The following STK3 variants were observed in gnomAD, a reference collection of about 807,000 sequenced individuals.
The protein encoded by STK3 is serine/threonine kinase 3, also known as serine/threonine-protein kinase 3.
Under a neutral mutation model 58.0 loss-of-function variants are expected in STK3, and 41 were observed. That is an observed-to-expected ratio of 0.71 (90% CI 0.55 to 0.92). The LOEUF is 0.92. Among genes scored for constraint, STK3 ranks in the 40% least tolerant of loss-of-function variants. The pLI is 0.00. For synonymous variants in STK3, 170 were observed against 191.0 expected, an observed-to-expected ratio of 0.89 and a Z score of 0.91; for missense variants, 479 against 602.7, an observed-to-expected ratio of 0.79 and a Z score of 2.15.
intron 1 of STK3, among the ~76,000 whole-genome samples, chr8:98,899,754 T>C (rs1460473489): frequency 6.6e-6 from 1 of 152,088 alleles, no homozygotes; most frequent in African/African-American, 2.4e-5. Flanking sequence ...AGGTAAAAAT[T>C]ATTGGGTCTC....
chr8:98,740,285 A>G (rs1019173187), intron 4 of STK3, among the ~76,000 whole-genome samples: 4 of 152,116 alleles, frequency 2.6e-5, no homozygotes, highest in South Asian at 2.1e-4. Context: ...TCCAAGACAC[A>G]TAATTGTCAG....
chr8:98,750,839 T>C (rs1829929658), intron 3 of STK3, among the ~76,000 whole-genome samples: 1 of 152,196 alleles, frequency 6.6e-6, no homozygotes, highest in Non-Finnish European at 1.5e-5. Context: ...TGAACATTGA[T>C]GCAAAAGTCG....
chr8:98,574,404 G>A (rs1813218258), intron 8 of STK3, among the ~76,000 whole-genome samples: 1 of 152,070 alleles, frequency 6.6e-6, no homozygotes, highest in Admixed American at 6.5e-5. Context: ...AGGAAATTAT[G>A]GTCTAAATAT....
At chr8:98,549,981 G>A (rs756397751) in intron 8 of STK3, among the ~76,000 whole-genome samples, 11 of 152,052 alleles carry the variant, frequency 7.2e-5, no homozygotes, top group Non-Finnish European at 1.2e-4. Flanking sequence ...CTCTCCAGCC[G>A]GGGTGACAGA....
chr8:98,508,140 A>G (rs957039644), intron 10 of STK3, among the ~76,000 whole-genome samples: 1 of 152,202 alleles, frequency 6.6e-6, no homozygotes, highest in Non-Finnish European at 1.5e-5. Context: ...TGTATTACAT[A>G]TAACTGATTT....
intron 6 of STK3, among the ~76,000 whole-genome samples, chr8:98,676,823 G>T (rs1162459597): frequency 6.6e-6 from 1 of 152,132 alleles, no homozygotes; most frequent in Non-Finnish European, 1.5e-5. Flanking sequence ...GCTGGTTAAG[G>T]TCTTTCAGTA....
intron 10 of STK3, among the ~76,000 whole-genome samples, chr8:98,486,585 A>G (rs1348593302): frequency 6.6e-6 from 1 of 152,190 alleles, no homozygotes; most frequent in Non-Finnish European, 1.5e-5. Context: ...ACAACCCCCT[A>G]GGACCCAGTG....
At chr8:98,369,750 C>T (rs1817593536), downstream of STK3, among the ~76,000 whole-genome samples, 1 of 152,276 alleles carries the variant, frequency 6.6e-6, no homozygotes, top group Non-Finnish European at 1.5e-5. Context: ...GAAGTACCCC[C>T]ACCCAAAATT....
At chr8:98,832,684 G>A (rs1167291871) in intron 3 of STK3, among the ~76,000 whole-genome samples, 2 of 151,974 alleles carry the variant, frequency 1.3e-5, no homozygotes, top group Non-Finnish European at 2.9e-5. Context: ...TTTCTCTGGG[G>A]TCCCCTTGGC....
intron 3 of STK3, among the ~76,000 whole-genome samples, chr8:98,871,254 G>A (rs564703935): frequency 7.0e-4 from 106 of 152,316 alleles, no homozygotes; most frequent in South Asian, 2.7e-3. Flanking sequence ...TAGCCTTGTA[G>A]TATAGTTTGA....
intron 6 of STK3, among the ~76,000 whole-genome samples, chr8:98,599,262 A>G (rs1816113257): frequency 1.3e-5 from 2 of 152,264 alleles, no homozygotes; most frequent in Admixed American, 6.5e-5. Context: ...ATACACAGGT[A>G]ACAAGCTAAA....
chr8:98,867,391 G>A (rs1168339534), intron 3 of STK3, among the ~76,000 whole-genome samples: 3 of 152,194 alleles, frequency 2.0e-5, no homozygotes, highest in African/African-American at 7.2e-5. Context: ...TCCAGCCTGG[G>A]TGATAGGAGT....
Position 98,825,581 on chromosome 8 carries a change from G to C in STK3, c.-41C>G. On this transcript the variant is annotated 5_prime_UTR_variant, in exon 1 of 11. Coordinates refer to ENST00000419617, the MANE Select transcript of STK3 (RefSeq NM_006281.4). ...AGAGAGGGACCTGGTGGACGGCGAA[G>C]GCCGAAAGGAGGAAAGGAGCCGGGG... The C allele has an allele frequency of 7.7e-6, 11 of 1,428,122 alleles. No homozygotes were observed. The highest frequency in any genetic ancestry group is 1.0e-5 in the Non-Finnish European group (11 of 1,084,652). 88.5% of individuals were successfully genotyped at this position (1,428,122 alleles called of 1,614,324 possible).
intron 6 of STK3, among the ~76,000 whole-genome samples, chr8:98,607,694 T>C (rs1816883071): frequency 6.7e-6 from 1 of 149,850 alleles, no homozygotes; most frequent in Admixed American, 6.6e-5. Flanking sequence ...TGAATCATCT[T>C]TTTCATTTGA....
At chr8:98,417,036 A>T (rs923001197) in intron 3 of STK3, among the ~76,000 whole-genome samples, 2 of 152,162 alleles carry the variant, frequency 1.3e-5, no homozygotes, top group East Asian at 3.9e-4. Context: ...TGAGTAACTG[A>T]CAGCTGCTCC....
In STK3 at chr8:98,801,561, T is replaced by C. The variant is rs191692440; in HGVS notation, c.26+23954A>G. ...GAGGAATGAACAACTCCAGACACAC[T>C]GCTTTAAGAGCTGTAACAGTCACCG... On this transcript the variant is annotated intron_variant, in intron 1 of 10. Transcript: ENST00000419617. Among the ~76,000 whole-genome samples, 1,390 of 151,882 alleles carry C rather than the reference T, an allele frequency of 9.2e-3. 15 individuals are homozygous for C. The highest frequency in any genetic ancestry group is 0.031 in the African/African-American group (1,301 of 41,416).
chr8:98,540,768 G>T (rs1426915402), intron 9 of STK3, among the ~76,000 whole-genome samples: 1 of 150,298 alleles, frequency 6.7e-6, no homozygotes, highest in East Asian at 2.0e-4. Flanking sequence ...AGAGTTCTGG[G>T]TAAGTGCACT....
chr8:98,428,926 G>A lies in STK3; in HGVS notation n.483+5201C>T. On this transcript the variant is annotated intron_variant and non_coding_transcript_variant, in intron 3 of 3. Coordinates refer to the STK3 transcript ENST00000517832. The surrounding 1 kb of genome is among the most constrained non-coding windows in gnomAD (Gnocchi z 6.7). ...CTGGCCAGGCACTCCACTGGCCTCC[G>A]CTCCCTGGGGGCCACTTTGAAATAC... 2 of 1,614,048 alleles carry A rather than the reference G, an allele frequency of 1.2e-6. No individual in the cohort carries two copies. Among genetic ancestry groups the A allele is most frequent in the East Asian group, 2.2e-5 (1 of 44,874 alleles).
chr8:98,860,585 A>T (rs991120202), intron 3 of STK3, among the ~76,000 whole-genome samples: 1 of 152,258 alleles, frequency 6.6e-6, no homozygotes, highest in Non-Finnish European at 1.5e-5. Context: ...CATGTCAGTA[A>T]GTACATGATA....
Sources: allele counts gnomAD v4.1 joint callset (sites outside exome capture counted in the v4.1 genomes callset), GRCh38; gene constraint gnomAD v4.1.1; non-coding constraint Gnocchi (gnomAD v3.1); transcripts MANE v1.5; gene names NCBI Gene and HGNC (gene_info 2026-07-23, HGNC 2026-07-21).